RAPGEF6: variants seen among roughly 807,000 people sequenced by gnomAD.
The protein encoded by RAPGEF6 is Rap guanine nucleotide exchange factor 6.
In RAPGEF6, 56 loss-of-function variants were observed where a neutral mutation model predicts 171.4. The ratio of observed to expected loss-of-function variants is 0.33; its 90% confidence interval spans 0.26 to 0.41. The LOEUF (loss-of-function observed/expected upper bound fraction) is 0.41, where lower values mean the gene tolerates loss of function less well. RAPGEF6 is among the 10% of genes least tolerant of loss of function. RAPGEF6 has a pLI of 1.00. For synonymous variants in RAPGEF6, 692 were observed against 650.1 expected (o/e 1.06, Z -0.98); for missense variants, 1,674 against 1,921.4 (o/e 0.87, Z 2.41).
chr5:131,516,487 G>T (rs1561528291), intron 7 of RAPGEF6, among the ~76,000 whole-genome samples: 1 of 152,198 alleles, frequency 6.6e-6, no homozygotes, highest in Non-Finnish European at 1.5e-5. Context: ...AAATCATGTT[G>T]CCATAGAGGT....
chr5:131,442,793 T>G lies in RAPGEF6; in HGVS notation c.3422-256A>C, dbSNP rs560926807. ...TTTATCTCCTAAATAAATCTTTTTA[T>G]TTTTTATTTTTTGAGATGAAGTTTC... is the stretch of plus-strand genomic sequence containing the variant. On this transcript the variant is annotated intron_variant, in intron 22 of 27. Transcript: ENST00000509018. 2.1e-4 allele frequency among the ~76,000 whole-genome samples: 32 copies of G among 152,322 alleles called. No homozygotes were observed. The South Asian group carries it at 6.6e-3, about 32-fold the overall frequency.
At chr5:131,616,243 A>G (rs1765255906) in intron 1 of RAPGEF6, among the ~76,000 whole-genome samples, 1 of 152,242 alleles carries the variant, frequency 6.6e-6, no homozygotes, top group Non-Finnish European at 1.5e-5. Context: ...ATTGTATAAC[A>G]AGACAACTCT....
intron 1 of RAPGEF6, among the ~76,000 whole-genome samples, chr5:131,626,130 T>C (rs114555336): frequency 0.013 from 1,930 of 152,304 alleles, 35 homozygotes; most frequent in African/African-American, 0.044. Flanking sequence ...AGCTTCATCA[T>C]TAAACATCTC....
chr5:131,502,883 C>T (rs1333548385), intron 11 of RAPGEF6, among the ~76,000 whole-genome samples: 1 of 152,120 alleles, frequency 6.6e-6, no homozygotes, highest in Non-Finnish European at 1.5e-5. Context: ...ACTGCAACCT[C>T]CGCCTCCTGG....
chr5:131,601,358 C>G (rs1298002818), intron 3 of RAPGEF6, among the ~76,000 whole-genome samples: 1 of 148,852 alleles, frequency 6.7e-6, no homozygotes, highest in Admixed American at 6.7e-5. Flanking sequence ...GCACTCCAGC[C>G]TCAGTGACAA....
intron 3 of RAPGEF6, 116 bp from the exon 4 acceptor site, chr5:131,592,582 C>T (rs1351689996): frequency 1.4e-6 from 2 of 1,449,774 alleles, no homozygotes; most frequent in African/African-American, 2.9e-5. Context: ...TGAAGTAACA[C>T]TACCTGGAAA....
rs1345347155 is a variant in RAPGEF6, at chr5:131,489,887, G to T, written c.1732-233C>A. Among the ~76,000 whole-genome samples, 6 of 150,898 alleles carry T rather than the reference G, an allele frequency of 4.0e-5. No individual in the cohort carries two copies. The East Asian group carries it at 1.2e-3, about 29-fold the overall frequency. On this transcript the variant is annotated intron_variant, in intron 14 of 27. Coordinates refer to ENST00000509018, the MANE Select transcript of RAPGEF6 (RefSeq NM_016340.6). ...TTTTTTTGACAGTTAATGCCCTCTGGGATCATACTGAGGAAATTTAAAAAA... is the reference window on the plus strand; with the variant it reads ...TTTTTTTGACAGTTAATGCCCTCTGTGATCATACTGAGGAAATTTAAAAAA...
chr5:131,424,272 G>A lies in RAPGEF6; in HGVS notation c.*2994C>T, dbSNP rs564179894. 123 of 152,330 alleles carry A rather than the reference G, an allele frequency of 8.1e-4. 1 individual carries two copies. Among genetic ancestry groups the A allele is most frequent in the Admixed American group, 7.9e-3 (121 of 15,272 alleles). 9.4% of individuals were successfully genotyped at this position (152,330 alleles called of 1,614,324 possible). On this transcript the variant is annotated 3_prime_UTR_variant, in exon 28 of 28. Coordinates refer to ENST00000509018, the MANE Select transcript of RAPGEF6 (RefSeq NM_016340.6). ...CATTCTGTGTATCAAAAATAAAGAA[G>A]CATTAAAAATGCACAACAAAAGTCA...
At chr5:131,535,971 T>G (rs1759741687) in intron 6 of RAPGEF6, among the ~76,000 whole-genome samples, 1 of 152,126 alleles carries the variant, frequency 6.6e-6, no homozygotes, top group South Asian at 2.1e-4. Context: ...AAAAACTGGA[T>G]TTATACTAAC....
intron 6 of RAPGEF6, among the ~76,000 whole-genome samples, chr5:131,528,327 A>T (rs1430631180): frequency 4.9e-5 from 4 of 81,174 alleles, no homozygotes; most frequent in South Asian, 3.8e-4. Context: ...ATATATATAT[A>T]TATATATATA....
intron 26 of RAPGEF6, chr5:131,430,615 A>G: frequency 1.6e-6 from 1 of 624,842 alleles, no homozygotes; most frequent in Non-Finnish European, 2.9e-6. Flanking sequence ...CAAAAGACAA[A>G]CAAACTTGTC....
At chr5:131,520,764 T>A (rs561644764) in intron 7 of RAPGEF6, among the ~76,000 whole-genome samples, 25 of 152,190 alleles carry the variant, frequency 1.6e-4, no homozygotes, top group Non-Finnish European at 3.5e-4. Context: ...AAATACTTAT[T>A]ACCCTGGCTT....
chr5:131,521,516 T>C lies in RAPGEF6; in HGVS notation c.501A>G (p.Pro167=). ...TGAGATGCATCTTGGTAAGATCAGCTGGAAGCTGAAAAAAAAAATAATTTA... is the reference window on the plus strand; with the variant it reads ...TGAGATGCATCTTGGTAAGATCAGCCGGAAGCTGAAAAAAAAAATAATTTA... ...DVEVNSYLSL[P]ADLTKMHLTE... The change falls in exon 7 of 28, where the codon CCA becomes CCG. Residue 167 remains proline, a synonymous_variant. Transcript: ENST00000509018. 1 of 1,597,290 alleles carries C rather than the reference T, an allele frequency of 6.3e-7. No homozygotes were observed. Among genetic ancestry groups the C allele is most frequent in the South Asian group, 1.1e-5 (1 of 87,284 alleles).
chr5:131,629,590 C>CAA (rs34845240), intron 1 of RAPGEF6, among the ~76,000 whole-genome samples: 134 of 117,008 alleles, frequency 1.1e-3, no homozygotes, highest in Admixed American at 3.0e-3. Flanking sequence ...CTCGTCTCTA[C>CAA]AAAAAAAAAA....
intron 6 of RAPGEF6, among the ~76,000 whole-genome samples, chr5:131,539,744 T>A (rs754190466): frequency 3.9e-5 from 6 of 152,190 alleles, no homozygotes; most frequent in Non-Finnish European, 8.8e-5. Context: ...TTGACAAATG[T>A]ACATTAACTC....
chr5:131,579,659 G>A (rs1282667741), intron 4 of RAPGEF6, among the ~76,000 whole-genome samples: 1 of 152,112 alleles, frequency 6.6e-6, no homozygotes, highest in African/African-American at 2.4e-5. Flanking sequence ...GGTGCTGACT[G>A]GTGCATTTAC....
At chr5:131,483,211 C>T (rs981810339) in intron 15 of RAPGEF6, among the ~76,000 whole-genome samples, 3 of 151,518 alleles carry the variant, frequency 2.0e-5, no homozygotes, top group Non-Finnish European at 2.9e-5. Context: ...GAGCGGGGCA[C>T]GGTGGCGCAT....
chr5:131,545,697 T>C (rs1404659105), intron 6 of RAPGEF6, among the ~76,000 whole-genome samples: 2 of 152,340 alleles, frequency 1.3e-5, no homozygotes, highest in East Asian at 3.9e-4. Context: ...AATACCATAT[T>C]TTCTAAGTTA....
intron 1 of RAPGEF6, among the ~76,000 whole-genome samples, chr5:131,629,867 G>A (rs974401208): frequency 1.3e-5 from 2 of 152,066 alleles, no homozygotes; most frequent in Non-Finnish European, 2.9e-5. Context: ...ATGAGAAGCT[G>A]CCTCTTATGC....
Sources: gnomAD v4.1 joint callset for allele counts (sites outside exome capture counted in the v4.1 genomes callset) on GRCh38, gnomAD v4.1.1 for gene constraint, MANE v1.5 for transcripts, NCBI Gene and HGNC (gene_info 2026-07-23, HGNC 2026-07-21) for gene names.